Variants in EFCAB6 observed in about 807,000 individuals in gnomAD.
EFCAB6 encodes the protein EF-hand calcium-binding domain-containing protein 6.
Under a neutral mutation model 169.8 loss-of-function variants are expected in EFCAB6, and 156 were observed. The observed-to-expected ratio is 0.92, with a 90% confidence interval of 0.81 to 1.05. The LOEUF (loss-of-function observed/expected upper bound fraction) is 1.05, where lower values mean the gene tolerates loss of function less well. Among genes scored for constraint, EFCAB6 ranks in the 50% least tolerant of loss-of-function variants. The pLI, the probability that EFCAB6 is intolerant of heterozygous loss-of-function variation, is 0.00. For missense variants in EFCAB6, 1,800 were observed against 1,829.1 expected, an observed-to-expected ratio of 0.98 and a Z score of 0.29; for synonymous variants, 698 against 676.4, an observed-to-expected ratio of 1.03 and a Z score of -0.50.
At chr22:43,529,594 A>G (rs1019695685) in intron 31 of EFCAB6, among the ~76,000 whole-genome samples, 2 of 152,280 alleles carry the variant, frequency 1.3e-5, no homozygotes, top group East Asian at 3.9e-4. Context: ...AACATCCAGG[A>G]AGCCTCCTTT....
intron 17 of EFCAB6, among the ~76,000 whole-genome samples, chr22:43,644,629 A>G (rs1160385769): frequency 6.6e-6 from 1 of 152,242 alleles, no homozygotes; most frequent in Non-Finnish European, 1.5e-5. Flanking sequence ...GTTTGCTAAT[A>G]GCAATCACAA....
chr22:43,602,435 T>A (rs2052590793), intron 22 of EFCAB6, among the ~76,000 whole-genome samples: 2 of 152,174 alleles, frequency 1.3e-5, no homozygotes, highest in African/African-American at 2.4e-5. Flanking sequence ...GCTTCCCTGT[T>A]GCTGGTAATG....
At chr22:43,666,692 T>G (rs1479868556) in intron 17 of EFCAB6, among the ~76,000 whole-genome samples, 1 of 36,640 alleles carries the variant, frequency 2.7e-5, no homozygotes, top group Non-Finnish European at 6.7e-5. Context: ...TGCCAGATTG[T>G]TTTTTTTTTT....
In EFCAB6 at chr22:43,730,629, A is replaced by T. The variant is rs144651181; in HGVS notation, c.757+1070T>A. Among the ~76,000 whole-genome samples, 1,370 of 152,286 alleles carry T rather than the reference A, an allele frequency of 9.0e-3. 21 individuals carry two copies. Among genetic ancestry groups the T allele is most frequent in the African/African-American group, 0.032 (1,325 of 41,546 alleles). On this transcript the variant is annotated intron_variant, in intron 8 of 31. Coordinates refer to ENST00000262726, the MANE Select transcript of EFCAB6 (RefSeq NM_022785.4). ...TTCTGCCTAACTCTTCTTTCCATAT[A>T]TGTGCCACGGAGAGATGCCAAGAAC... is the stretch of plus-strand genomic sequence containing the variant.
intron 2 of EFCAB6, among the ~76,000 whole-genome samples, chr22:43,785,684 A>C (rs1299057415): frequency 1.3e-5 from 2 of 152,172 alleles, no homozygotes; most frequent in African/African-American, 4.8e-5. Context: ...TGAAATCAAG[A>C]ATAGAAAAAT....
chr22:43,737,823 A>T (rs1208717437), intron 6 of EFCAB6, among the ~76,000 whole-genome samples: 1 of 150,276 alleles, frequency 6.7e-6, no homozygotes, highest in Non-Finnish European at 1.5e-5. Context: ...ACACACACTC[A>T]CACCATTACT....
chr22:43,736,504 A>G (rs1389284257), intron 6 of EFCAB6, among the ~76,000 whole-genome samples: 1 of 152,218 alleles, frequency 6.6e-6, no homozygotes, highest in African/African-American at 2.4e-5. Flanking sequence ...GGGTGCACAG[A>G]CACACATGAC....
chr22:43,559,648 G>A (rs1368920635), intron 26 of EFCAB6, among the ~76,000 whole-genome samples: 2 of 152,208 alleles, frequency 1.3e-5, no homozygotes, highest in African/African-American at 2.4e-5. Context: ...TAAAGAAAAT[G>A]TGGCACATAC....
intron 21 of EFCAB6, 145 bp from the exon 22 acceptor site, chr22:43,608,745 G>T: frequency 1.4e-6 from 1 of 728,612 alleles, no homozygotes; most frequent in Non-Finnish European, 2.3e-6. Context: ...CTACGTTCCA[G>T]GTATCCTCAT....
chr22:43,739,255 C>T (rs769811714), intron 6 of EFCAB6, among the ~76,000 whole-genome samples: 1 of 152,210 alleles, frequency 6.6e-6, no homozygotes, highest in African/African-American at 2.4e-5. Flanking sequence ...TCTTGCTGTC[C>T]CAGCAGCCGC....
At chr22:43,716,157 T>A (rs1468055603) in intron 9 of EFCAB6, among the ~76,000 whole-genome samples, 1 of 152,240 alleles carries the variant, frequency 6.6e-6, no homozygotes, top group Non-Finnish European at 1.5e-5. Flanking sequence ...TACTTACATT[T>A]AAATTGTTGA....
intron 21 of EFCAB6, among the ~76,000 whole-genome samples, chr22:43,612,789 G>C (rs985868441): frequency 6.6e-6 from 1 of 152,012 alleles, no homozygotes; most frequent in Non-Finnish European, 1.5e-5. Flanking sequence ...AGCTACTCAG[G>C]AGGCTGAGGC....
At chr22:43,604,784 A>G (rs540956369) in intron 22 of EFCAB6, among the ~76,000 whole-genome samples, 33 of 152,168 alleles carry the variant, frequency 2.2e-4, no homozygotes, top group African/African-American at 7.0e-4. Context: ...ATACTGATAT[A>G]TAACTCACCT....
At chr22:43,589,750 T>C (rs1388533423) in intron 24 of EFCAB6, among the ~76,000 whole-genome samples, 1 of 152,136 alleles carries the variant, frequency 6.6e-6, no homozygotes, top group Non-Finnish European at 1.5e-5. Context: ...ATCGCACCAC[T>C]GCACTCCAGC....
intron 10 of EFCAB6, among the ~76,000 whole-genome samples, chr22:43,708,576 G>C (rs983137191): frequency 6.6e-6 from 1 of 152,000 alleles, no homozygotes; most frequent in African/African-American, 2.4e-5. Flanking sequence ...GTTACTCTTG[G>C]AATTTTAAAA....
chr22:43,598,516 T>G (rs1482109672), intron 23 of EFCAB6, among the ~76,000 whole-genome samples: 1 of 152,082 alleles, frequency 6.6e-6, no homozygotes, highest in Non-Finnish European at 1.5e-5. Context: ...AGGGAAATTA[T>G]ACTTAACAAT....
chr22:43,540,444 G>C, intron 27 of EFCAB6, 87 bp from the exon 28 acceptor site: 3 of 1,592,964 alleles, frequency 1.9e-6, no homozygotes, highest in Non-Finnish European at 1.7e-6. Context: ...GGGACAGGCC[G>C]GCCTCGCAGG....
chr22:43,544,012 TGCCCA>T (rs1275679863), intron 27 of EFCAB6, among the ~76,000 whole-genome samples: 2 of 151,888 alleles, frequency 1.3e-5, no homozygotes, highest in African/African-American at 4.8e-5. Context: ...TCCTTCATCC[TGCCCA>T]GCCCTCACCT....
At chr22:43,596,368 A>G (rs2052008742) in intron 23 of EFCAB6, among the ~76,000 whole-genome samples, 1 of 152,166 alleles carries the variant, frequency 6.6e-6, no homozygotes, top group African/African-American at 2.4e-5. Context: ...CACCAAAAAA[A>G]TTCCTAGCAC....
Sources: gnomAD v4.1 joint callset for allele counts (sites outside exome capture counted in the v4.1 genomes callset) on GRCh38, gnomAD v4.1.1 for gene constraint, MANE v1.5 for transcripts, NCBI Gene and HGNC (gene_info 2026-07-23, HGNC 2026-07-21) for gene names.